TUNAR: variants seen among roughly 807,000 people sequenced by gnomAD.
The protein encoded by TUNAR is protein TUNAR.
chr14:95,914,900 G>C (rs1050147540), intron 2 of TUNAR, among the ~76,000 whole-genome samples: 1 of 152,122 alleles, frequency 6.6e-6, no homozygotes, highest in South Asian at 2.1e-4. Context: ...CATTCCTTCC[G>C]TATCAATTTT....
At chr14:95,886,521 A>G (rs1889079025) in intron 2 of TUNAR, among the ~76,000 whole-genome samples, 1 of 152,234 alleles carries the variant, frequency 6.6e-6, no homozygotes, top group Non-Finnish European at 1.5e-5. Flanking sequence ...GGCCTGGCAG[A>G]GAGCCCTCTT....
intron 2 of TUNAR, among the ~76,000 whole-genome samples, chr14:95,897,354 C>T (rs1889285031): frequency 6.6e-6 from 1 of 152,318 alleles, no homozygotes; most frequent in South Asian, 2.1e-4. Context: ...CTCTCTGTTA[C>T]TTTTCAATCT....
chr14:95,918,599 C>G (rs562490331), intron 2 of TUNAR, among the ~76,000 whole-genome samples: 2 of 152,222 alleles, frequency 1.3e-5, no homozygotes, highest in African/African-American at 2.4e-5. Flanking sequence ...TGCAACTCTT[C>G]TGTGAGTCGG....
exon 3 of TUNAR, chr14:95,923,787 G>A (rs1468714989): frequency 2.0e-5 from 3 of 152,092 alleles, no homozygotes; most frequent in Non-Finnish European, 4.4e-5. Flanking sequence ...TGTCAGCCAT[G>A]GTTTTGGGTG....
intron 2 of TUNAR, among the ~76,000 whole-genome samples, chr14:95,909,745 G>A (rs561129304): frequency 3.9e-5 from 6 of 152,304 alleles, no homozygotes; most frequent in African/African-American, 1.4e-4. Context: ...GGACATGGAG[G>A]TGAATCTGAC....
chr14:95,897,935 T>C (rs1889291042), intron 2 of TUNAR, among the ~76,000 whole-genome samples: 3 of 152,132 alleles, frequency 2.0e-5, no homozygotes, highest in Non-Finnish European at 4.4e-5. Flanking sequence ...CCTTTCCCCA[T>C]TGTTTTTCTG....
At chr14:95,905,736 C>T (rs1242710825) in intron 2 of TUNAR, among the ~76,000 whole-genome samples, 2 of 152,200 alleles carry the variant, frequency 1.3e-5, no homozygotes, top group African/African-American at 4.8e-5. Flanking sequence ...TAGCATCCAT[C>T]GGTAGATCTT....
intron 2 of TUNAR, among the ~76,000 whole-genome samples, chr14:95,888,261 A>G (rs374887552): frequency 6.6e-6 from 1 of 152,364 alleles, no homozygotes; most frequent in East Asian, 1.9e-4. Context: ...GACCCTGTGC[A>G]ATAAGTCCTT....
At chr14:95,906,890 T>C (rs1889434302) in intron 2 of TUNAR, among the ~76,000 whole-genome samples, 1 of 152,242 alleles carries the variant, frequency 6.6e-6, no homozygotes, top group African/African-American at 2.4e-5. Context: ...CACTCTTCTC[T>C]GCATCCCTTT....
chr14:95,885,524 G>A (rs1350317632), intron 2 of TUNAR, among the ~76,000 whole-genome samples: 2 of 152,156 alleles, frequency 1.3e-5, no homozygotes, highest in Admixed American at 6.5e-5. Context: ...AGAGTTGAGC[G>A]GGAAAGGCCT....
intron 2 of TUNAR, among the ~76,000 whole-genome samples, chr14:95,893,263 A>G (rs370707227): frequency 2.0e-5 from 3 of 152,188 alleles, no homozygotes; most frequent in East Asian, 1.9e-4. Flanking sequence ...TTTTTGCAGC[A>G]TGGGAGGCAG....
At chr14:95,878,590 G>A (rs1274473586) in intron 2 of TUNAR, among the ~76,000 whole-genome samples, 1 of 152,224 alleles carries the variant, frequency 6.6e-6, no homozygotes, top group Non-Finnish European at 1.5e-5. Context: ...GCTTGAGCTA[G>A]GATGTCTTAG....
intron 2 of TUNAR, among the ~76,000 whole-genome samples, chr14:95,887,044 A>G (rs1229090210): frequency 6.6e-6 from 1 of 152,096 alleles, no homozygotes; most frequent in Non-Finnish European, 1.5e-5. Context: ...AGCAGATTAG[A>G]ATGGTTGTCA....
chr14:95,902,144 CAGT>C (rs1195381755), intron 2 of TUNAR, among the ~76,000 whole-genome samples: 1 of 152,058 alleles, frequency 6.6e-6, no homozygotes, highest in East Asian at 1.9e-4. Flanking sequence ...AGCTAGGCAG[CAGT>C]AGTATCAAGT....
chr14:95,909,282 CTTT>C (rs3044246), intron 2 of TUNAR, among the ~76,000 whole-genome samples: 10 of 125,916 alleles, frequency 7.9e-5, no homozygotes, highest in Admixed American at 4.0e-4. Flanking sequence ...GCTGCCATCT[CTTT>C]TTTTTTTTTT....
chr14:95,923,048 C>T (rs925002825), exon 3 of TUNAR: 6 of 398,276 alleles, frequency 1.5e-5, no homozygotes, highest in East Asian at 1.4e-4. Context: ...CCAGACCCTG[C>T]GAGAACAAGC....
At chr14:95,923,060 G>A (rs1889723565) in exon 3 of TUNAR, 2 of 398,398 alleles carry the variant, frequency 5.0e-6, no homozygotes, top group African/African-American at 4.1e-5. Context: ...AGAACAAGCA[G>A]GCTTGACCCG....
At chr14:95,879,401 A>G (rs1888941625) in intron 2 of TUNAR, among the ~76,000 whole-genome samples, 4 of 152,224 alleles carry the variant, frequency 2.6e-5, no homozygotes, top group Admixed American at 2.6e-4. Context: ...TTAATCTCCC[A>G]GCATTGTGTG....
chr14:95,887,165 C>G (rs890878644), intron 2 of TUNAR, among the ~76,000 whole-genome samples: 1 of 152,194 alleles, frequency 6.6e-6, no homozygotes, highest in South Asian at 2.1e-4. Flanking sequence ...CTCAGAGCAC[C>G]TAGTGCACAC....
Sources: allele counts gnomAD v4.1 joint callset (sites outside exome capture counted in the v4.1 genomes callset), GRCh38; gene constraint gnomAD v4.1.1; transcripts MANE v1.5; gene names NCBI Gene and HGNC (gene_info 2026-07-23, HGNC 2026-07-21).